EED: variants seen among roughly 807,000 people sequenced by gnomAD.
The protein encoded by EED is embryonic ectoderm development.
In EED, 9 loss-of-function variants were observed where a neutral mutation model predicts 61.0. That is an observed-to-expected ratio of 0.15 (90% CI 0.09 to 0.26). EED has a LOEUF of 0.26. Ranked by LOEUF, EED falls within the 10% of genes least tolerant of loss-of-function variation. The pLI is 1.00. For synonymous variants in EED, 187 were observed against 174.4 expected, an observed-to-expected ratio of 1.07 and a Z score of -0.57; for missense variants, 315 against 542.3, an observed-to-expected ratio of 0.58 and a Z score of 4.16.
chr11:86,256,657 C>G (rs555463990), intron 5 of EED, 145 bp downstream of exon 5: 11 of 787,644 alleles, frequency 1.4e-5, no homozygotes, highest in South Asian at 7.2e-5. Flanking sequence ...TTGGATGAGT[C>G]TTTTGAGACG....
chr11:86,266,039 T>C, intron 7 of EED, 44 bp from the exon 8 acceptor site: 1 of 1,510,906 alleles, frequency 6.6e-7, no homozygotes, highest in Non-Finnish European at 8.9e-7. Context: ...ATAAATATAA[T>C]TTGGAGCTGT....
At chr11:86,267,129 A>G (rs1467934298) in intron 8 of EED, among the ~76,000 whole-genome samples, 1 of 152,204 alleles carries the variant, frequency 6.6e-6, no homozygotes, top group Non-Finnish European at 1.5e-5. Flanking sequence ...TATATTTCAG[A>G]GTTTTCAAAA....
In EED at chr11:86,250,279, T is replaced by A; in HGVS notation, c.115-17T>A. On this transcript the variant is annotated splice_polypyrimidine_tract_variant and intron_variant, in intron 1 of 11. Coordinates refer to ENST00000263360, the MANE Select transcript of EED (RefSeq NM_003797.5). ...TATTGCTGTTTCATGTAATTTTTCC[T>A]CATTTACTGCTTACAGGATGACGCT... 2 of 1,477,930 alleles carry A rather than the reference T, an allele frequency of 1.4e-6. No individual in the cohort carries two copies. The highest frequency in any genetic ancestry group is 1.4e-5 in the South Asian group (1 of 71,496). The allele number at this position is 1,477,930 out of a possible 1,614,324, so 91.6% of individuals were successfully genotyped here.
intron 9 of EED, among the ~76,000 whole-genome samples, chr11:86,274,259 A>C (rs1362687687): frequency 6.6e-6 from 1 of 152,082 alleles, no homozygotes; most frequent in East Asian, 1.9e-4. Context: ...GTTCATTCTA[A>C]GTATGTTTGC....
At chr11:86,250,035 G>A (rs1945490792) in intron 1 of EED, among the ~76,000 whole-genome samples, 1 of 152,126 alleles carries the variant, frequency 6.6e-6, no homozygotes, top group Non-Finnish European at 1.5e-5. Context: ...ACAGACCAGT[G>A]CCTTATTAAA....
chr11:86,285,495 A>T, the EED span, among the ~76,000 whole-genome samples: 1 of 152,226 alleles, frequency 6.6e-6, no homozygotes, highest in South Asian at 2.1e-4. Context: ...TCCTTTAACA[A>T]TTTCTCAACT....
rs1341216720 is a variant in EED at position 86,278,810 on chromosome 11, A to G, written c.*285A>G. Reference sequence around the variant, plus strand: ...TAATAAAATTATGCCTTATCTTTTTATAATGGTTGTTTTTTGTAGTTCTCT... The same window carrying G: ...TAATAAAATTATGCCTTATCTTTTTGTAATGGTTGTTTTTTGTAGTTCTCT... On this transcript the variant is annotated 3_prime_UTR_variant, in exon 12 of 12. Transcript: ENST00000263360. The G allele has an allele frequency of 7.5e-5, 20 of 265,724 alleles. No homozygotes were observed. In the Admixed American group the frequency reaches 8.3e-4, roughly 11 times the overall value. 16.5% of individuals were successfully genotyped at this position (265,724 alleles called of 1,614,324 possible).
the EED span, among the ~76,000 whole-genome samples, chr11:86,284,821 A>G: frequency 6.6e-6 from 1 of 152,280 alleles, no homozygotes; most frequent in Non-Finnish European, 1.5e-5. Context: ...TGAAAAGGCA[A>G]ACTCCTTGGG....
At chr11:86,246,061 A>T (rs1437436305) in intron 1 of EED, among the ~76,000 whole-genome samples, 1 of 152,346 alleles carries the variant, frequency 6.6e-6, no homozygotes. Flanking sequence ...AGGCAGATGT[A>T]TTTAAGTGTG....
chr11:86,256,489 C>G lies in EED; in HGVS notation c.529C>G (p.Pro177Ala), dbSNP rs1945678495. Reference sequence around the variant, plus strand: ...TAGAGGCATAATTAGGATAATAAATCCTATAACAATGCAGTGTATAAAGGT... The same window carrying G: ...TAGAGGCATAATTAGGATAATAAATGCTATAACAATGCAGTGTATAAAGGT... Reference protein sequence around the residue: ...GSRGIIRIINPITMQCIKHYV... With the variant: ...GSRGIIRIINAITMQCIKHYV... Residue 177 changes from proline (P) to alanine (A), a missense_variant, in exon 5 of 12, where the codon CCT becomes GCT. Transcript: ENST00000263360. 6.2e-7 allele frequency: 1 copy of G among 1,610,074 alleles called. No homozygotes were observed. The highest frequency in any genetic ancestry group is 1.1e-5 in the South Asian group (1 of 90,530).
At chr11:86,250,908 G>A (rs1357829673) in intron 2 of EED, among the ~76,000 whole-genome samples, 1 of 151,962 alleles carries the variant, frequency 6.6e-6, no homozygotes, top group Non-Finnish European at 1.5e-5. Flanking sequence ...AAAGAAAAAG[G>A]TGTAAAAAAT....
chr11:86,255,389 C>A, intron 4 of EED, 102 bp downstream of exon 4: 1 of 927,718 alleles, frequency 1.1e-6, no homozygotes, highest in South Asian at 1.8e-5. Context: ...AGTTATTGTT[C>A]TTTCTTAACC....
chr11:86,248,379 A>T (rs554655728), intron 1 of EED, among the ~76,000 whole-genome samples: 1 of 152,318 alleles, frequency 6.6e-6, no homozygotes, highest in East Asian at 1.9e-4. Context: ...TGGCCTCTGT[A>T]TTGGCAGCTC....
chr11:86,260,950 T>G (rs1279849905), intron 6 of EED, among the ~76,000 whole-genome samples: 5 of 151,914 alleles, frequency 3.3e-5, no homozygotes, highest in Admixed American at 2.0e-4. Flanking sequence ...TGGAATTAAT[T>G]CATTCATAAG....
chr11:86,265,266 G>A (rs1424273042), intron 7 of EED: 1 of 152,114 alleles, frequency 6.6e-6, no homozygotes, highest in South Asian at 2.1e-4. Context: ...GCAAAGGCTG[G>A]ATTAACATAT....
downstream of EED, among the ~76,000 whole-genome samples, chr11:86,281,720 A>G (rs1393649121): frequency 6.6e-6 from 1 of 152,180 alleles, no homozygotes; most frequent in Non-Finnish European, 1.5e-5. Flanking sequence ...AGGTGCAGTT[A>G]TAGCTGTCAC....
downstream of EED, among the ~76,000 whole-genome samples, chr11:86,279,042 A>G (rs910201420): frequency 2.6e-5 from 4 of 152,206 alleles, no homozygotes; most frequent in Non-Finnish European, 5.9e-5. Flanking sequence ...TTAGAACAGT[A>G]TTTGACATAT....
intron 1 of EED, among the ~76,000 whole-genome samples, chr11:86,246,897 A>G (rs939507553): frequency 6.6e-6 from 1 of 152,246 alleles, no homozygotes; most frequent in Non-Finnish European, 1.5e-5. Context: ...CTCATAGAGT[A>G]TTTGTAAGCA....
At chr11:86,265,900 T>G in intron 7 of EED, 183 bp from the exon 8 acceptor site, 1 of 432,156 alleles carries the variant, frequency 2.3e-6, no homozygotes, top group Non-Finnish European at 4.1e-6. Flanking sequence ...GTTGACAAAC[T>G]AATTAAAGCT....
Sources: gnomAD v4.1 joint callset for allele counts (sites outside exome capture counted in the v4.1 genomes callset) on GRCh38, gnomAD v4.1.1 for gene constraint, MANE v1.5 for transcripts, NCBI Gene and HGNC (gene_info 2026-07-23, HGNC 2026-07-21) for gene names.